AWAT1: variants seen among roughly 807,000 people sequenced by gnomAD.
The protein encoded by AWAT1 is diacyl-glycerol acyltransferase 2.
In AWAT1, 26 loss-of-function variants were observed where a neutral mutation model predicts 21.6. The observed-to-expected ratio is 1.20, with a 90% CI of 0.88 to 1.67. The LOEUF (loss-of-function observed/expected upper bound fraction) is 1.67, where lower values mean the gene tolerates loss of function less well. Ranked by LOEUF, AWAT1 falls within the 40% of genes most tolerant of loss-of-function variation. The pLI, the probability that AWAT1 is intolerant of heterozygous loss-of-function variation, is 0.00. For synonymous variants in AWAT1, 102 were observed against 99.3 expected, an observed-to-expected ratio of 1.03 and a Z score of -0.16; for missense variants, 264 against 249.4, an observed-to-expected ratio of 1.06 and a Z score of -0.39.
chrX:70,237,157 C>G lies in AWAT1; in HGVS notation c.369C>G (p.Phe123Leu). The G allele has an allele frequency of 8.3e-7, 1 of 1,208,037 alleles. No homozygotes were observed. The highest frequency in any genetic ancestry group is 1.1e-6 in the Non-Finnish European group (1 of 893,826). ...FCNFCTEATG[F>L]SKTFPGITPH... ...ACTTCTGCACTGAGGCCACAGGCTTCTCGAAGACCTTCCCAGGCATCACTC... is the reference window on the plus strand; with the variant it reads ...ACTTCTGCACTGAGGCCACAGGCTTGTCGAAGACCTTCCCAGGCATCACTC... The change falls in exon 4 of 7, where the codon TTC becomes TTG. Residue 123 changes from phenylalanine (F) to leucine (L), a missense_variant. Coordinates refer to ENST00000374521, the MANE Select transcript of AWAT1 (RefSeq NM_001013579.3).
At chrX:70,239,356 A>C (rs1262956140) in intron 5 of AWAT1, among the ~76,000 whole-genome samples, 1 of 112,590 alleles carries the variant, frequency 8.9e-6, no homozygotes, top group Non-Finnish European at 1.9e-5. Flanking sequence ...TACCCAGGGC[A>C]CTGTTCAGGG....
Position 70,234,729 on chromosome X carries a change from A to G in AWAT1, c.34A>G (p.Ser12Gly). The G allele has an allele frequency of 4.1e-6, 5 of 1,210,707 alleles. No individual in the cohort carries two copies. The highest frequency in any genetic ancestry group is 5.6e-6 in the Non-Finnish European group (5 of 894,955). The part of the protein sequence containing the change: ...AHSKQPSHFQ[S>G]LMLLQWPLSY... ...TTCCAAGCAGCCTAGTCACTTCCAG[A>G]GTCTGATGCTTCTGCAGTGGCCTTT... The change falls in exon 1 of 7, where the codon AGT becomes GGT. Residue 12 changes from serine to glycine, a missense_variant. Coordinates refer to ENST00000374521, the MANE Select transcript of AWAT1 (RefSeq NM_001013579.3).
rs1198791998 is a variant in AWAT1, at chrX:70,240,577, C to T, written c.*287C>T. 2 of 275,825 alleles carry T rather than the reference C, an allele frequency of 7.3e-6. No individual in the cohort carries two copies. Among genetic ancestry groups the T allele is most frequent in the Non-Finnish European group, 1.3e-5 (2 of 155,956 alleles). 22.7% of individuals were successfully genotyped at this position (275,825 alleles called of 1,213,427 possible). A position where few individuals can be genotyped will look rare whatever the true frequency, so the allele number is the denominator to read the frequency against. On this transcript the variant is annotated 3_prime_UTR_variant, in exon 7 of 7. Coordinates refer to ENST00000374521, the MANE Select transcript of AWAT1 (RefSeq NM_001013579.3). ...GACACATTAGCAGTCACTGCATATT[C>T]CCCCAGCCCCTGGGCAACTATCTAC...
rs766089115 is a variant in AWAT1 at position 70,234,783 on chromosome X, C to T, written c.76+12C>T. ...CTACCTTGCCATCTGTGAGTATTGA[C>T]CCAAGAGTGCATAGCAAGAAGCCAG... On this transcript the variant is annotated intron_variant, in intron 1 of 6. Coordinates refer to ENST00000374521, the MANE Select transcript of AWAT1 (RefSeq NM_001013579.3). The T allele has an allele frequency of 4.2e-6, 5 of 1,193,804 alleles. No individual in the cohort carries two copies. The South Asian group carries it at 5.3e-5, about 13-fold the overall frequency.
Position 70,235,750 on chromosome X carries a change from G to A in AWAT1, c.111G>A (p.Leu37=), listed in dbSNP as rs1047974663. The change falls in exon 2 of 7, where the codon CTG becomes CTA. Residue 37 remains leucine, a synonymous_variant. Transcript: ENST00000374521. The stretch of plus-strand genomic sequence containing the variant: ...TGCAGCCATTGTTCGTCTACCTGCT[G>A]TTTACATCCTTGTGGCCGCTACCAG... ...WILQPLFVYL[L]FTSLWPLPVL... 8.3e-6 allele frequency: 10 copies of A among 1,209,138 alleles called. No homozygotes were observed. The African/African-American group carries it at 1.6e-4, about 19-fold the overall frequency.
chrX:70,236,911 C>G, intron 3 of AWAT1, 133 bp from the exon 4 acceptor site: 1 of 583,794 alleles, frequency 1.7e-6, no homozygotes, highest in South Asian at 2.9e-5. Context: ...TCTCAGCCCT[C>G]CTGAAACCCA....
chrX:70,239,112 G>A (rs1333241776), intron 5 of AWAT1, among the ~76,000 whole-genome samples: 1 of 111,998 alleles, frequency 8.9e-6, no homozygotes, highest in African/African-American at 3.2e-5. Context: ...AGAGCTCTGA[G>A]CTGGGAGTCC....
rs780581371 is a variant in AWAT1, at chrX:70,238,352, A to G, written c.601A>G (p.Lys201Glu). The G allele has an allele frequency of 8.3e-7, 1 of 1,203,455 alleles. No homozygotes were observed. Among genetic ancestry groups the G allele is most frequent in the Non-Finnish European group, 1.1e-6 (1 of 890,603 alleles). The part of the protein sequence containing the change: ...NTTTLILQKR[K>E]GFVRTALQHG... ...CACCACCCTCATCCTCCAGAAGCGC[A>G]AGGGGTTCGTGCGCACAGCCCTCCA... The change falls in exon 5 of 7, where the codon AAG becomes GAG. Residue 201 changes from lysine (K) to glutamate (E), a missense_variant. Lys to Glu is a moderately conservative substitution (Grantham distance 56). Coordinates refer to ENST00000374521, the MANE Select transcript of AWAT1 (RefSeq NM_001013579.3).
At chrX:70,240,058 C>A in intron 6 of AWAT1, 78 bp from the exon 7 acceptor site, 1 of 1,157,543 alleles carries the variant, frequency 8.6e-7, no homozygotes, top group Non-Finnish European at 1.2e-6. Context: ...GAGAGTCAGG[C>A]CCAAGGTAGG....
rs1302265508 is a variant in AWAT1 at position 70,237,165 on chromosome X, C to T, written c.377C>T (p.Thr126Ile). The T allele has an allele frequency of 4.1e-6, 5 of 1,208,429 alleles. No individual in the cohort carries two copies. The Admixed American group carries it at 1.1e-4, about 26-fold the overall frequency. ...FCTEATGFSK[T>I]FPGITPHLAT... ...ACTGAGGCCACAGGCTTCTCGAAGACCTTCCCAGGCATCACTCCTCACTTG... is the reference window on the plus strand; with the variant it reads ...ACTGAGGCCACAGGCTTCTCGAAGATCTTCCCAGGCATCACTCCTCACTTG... The change falls in exon 4 of 7, where the codon ACC (threonine) becomes ATC (isoleucine). Residue 126 changes from threonine (T) to isoleucine (I), a missense_variant. Transcript: ENST00000374521.
intron 2 of AWAT1, 34 bp from the exon 3 acceptor site, chrX:70,236,035 C>G (rs780196274): frequency 8.8e-7 from 1 of 1,141,681 alleles, no homozygotes; most frequent in South Asian, 1.8e-5. Flanking sequence ...ATGGCACACA[C>G]TGACATCATC....
chrX:70,240,361 A>C lies in AWAT1; in HGVS notation c.*71A>C. ...GAAGAGACTCATCTGCCACTAACCA[A>C]AGACAGGCAGGAGATGAGGGAGGTT... On this transcript the variant is annotated 3_prime_UTR_variant, in exon 7 of 7. Transcript: ENST00000374521. The C allele has an allele frequency of 9.2e-7, 1 of 1,082,287 alleles. No homozygotes were observed. Among genetic ancestry groups the C allele is most frequent in the Non-Finnish European group, 1.3e-6 (1 of 793,532 alleles). 89.2% of individuals were successfully genotyped at this position (1,082,287 alleles called of 1,213,427 possible).
chrX:70,237,831 CAAAAAAAAA>C (rs34212707), intron 4 of AWAT1, among the ~76,000 whole-genome samples: 3 of 19,376 alleles, frequency 1.5e-4, no homozygotes, highest in African/African-American at 6.5e-4. Context: ...AACTCTGTCT[CAAAAAAAAA>C]AAAAAAAAAA....
At chrX:70,235,926 C>T in intron 2 of AWAT1, 103 bp downstream of exon 2, 1 of 940,035 alleles carries the variant, frequency 1.1e-6, no homozygotes, top group Non-Finnish European at 1.5e-6. Context: ...CTCAGAGCCA[C>T]AGGAGCTCGG....
At chrX:70,239,388 A>G (rs755661577) in intron 5 of AWAT1, among the ~76,000 whole-genome samples, 5 of 112,400 alleles carry the variant, frequency 4.4e-5, no homozygotes, top group African/African-American at 1.6e-4. Flanking sequence ...GGTCTGTGGA[A>G]GGGAAACAAC....
intron 4 of AWAT1, among the ~76,000 whole-genome samples, chrX:70,237,813 CAGAG>C (rs1445496477): frequency 1.5e-5 from 1 of 67,468 alleles, no homozygotes; most frequent in African/African-American, 6.4e-5. Context: ...GCCTGGGTGA[CAGAG>C]AGAAACTCTG....
In AWAT1 at chrX:70,238,373, C is replaced by G. The variant is rs2085524191; in HGVS notation, c.622C>G (p.Leu208Val). Reference sequence around the variant, plus strand: ...GCGCAAGGGGTTCGTGCGCACAGCCCTCCAGCATGGGTAGGTGTTCCCCAC... The same window carrying G: ...GCGCAAGGGGTTCGTGCGCACAGCCGTCCAGCATGGGTAGGTGTTCCCCAC... ...QKRKGFVRTA[L>V]QHGAHLVPTF... Residue 208 changes from leucine (L) to valine (V), a missense_variant, in exon 5 of 7, where the codon CTC becomes GTC. Leu to Val is a conservative substitution (Grantham distance 32). Transcript: ENST00000374521. 8.4e-7 allele frequency: 1 copy of G among 1,194,125 alleles called. No homozygotes were observed. Among genetic ancestry groups the G allele is most frequent in the Non-Finnish European group, 1.1e-6 (1 of 883,880 alleles).
rs761074653 is a variant in AWAT1, at chrX:70,238,495, A to G, written c.632+112A>G. On this transcript the variant is annotated intron_variant, in intron 5 of 6. Coordinates refer to ENST00000374521, the MANE Select transcript of AWAT1 (RefSeq NM_001013579.3). The stretch of plus-strand genomic sequence containing the variant: ...TTTTGCCCTCAAGGAACATACTACC[A>G]AGTAAGAAAAATGGGTCATCCAGTC... The G allele has an allele frequency of 3.2e-4, 267 of 840,020 alleles. 2 individuals are homozygous for G. In the East Asian group the frequency reaches 9.8e-3, roughly 31 times the overall value. The allele number at this position is 840,020 out of a possible 1,213,427, so 69.2% of individuals were successfully genotyped here.
At chrX:70,238,861 G>A (rs917313372) in intron 5 of AWAT1, among the ~76,000 whole-genome samples, 1 of 112,287 alleles carries the variant, frequency 8.9e-6, no homozygotes, top group African/African-American at 3.2e-5. Context: ...GGCTTTAAAT[G>A]AATTTATCCC....
Sources: gnomAD v4.1 joint callset for allele counts (sites outside exome capture counted in the v4.1 genomes callset) on GRCh38, gnomAD v4.1.1 for gene constraint, MANE v1.5 for transcripts, NCBI Gene and HGNC (gene_info 2026-07-23, HGNC 2026-07-21) for gene names.